The following SCARA5 variants were observed in gnomAD, a reference collection of about 807,000 sequenced individuals.
The protein encoded by SCARA5 is scavenger receptor class A, member 5 (putative).
SCARA5 carries 45 observed loss-of-function variants against 46.3 expected under a neutral mutation model. The observed-to-expected ratio is 0.97, with a 90% CI of 0.76 to 1.24. The LOEUF (loss-of-function observed/expected upper bound fraction) is 1.24, where lower values mean the gene tolerates loss of function less well. Ranked by LOEUF, SCARA5 falls within the 50% of genes most tolerant of loss-of-function variation. The pLI is 0.00. For synonymous variants in SCARA5, 333 were observed against 306.5 expected, an observed-to-expected ratio of 1.09 and a Z score of -0.90; for missense variants, 680 against 689.0, an observed-to-expected ratio of 0.99 and a Z score of 0.15.
Position 27,954,217 on chromosome 8 carries a change from A to G in SCARA5, c.241+12197T>C, listed in dbSNP as rs183374756. Among the ~76,000 whole-genome samples the G allele has an allele frequency of 7.2e-5, 11 of 152,136 alleles. 1 individual carries two copies. The East Asian group carries it at 2.1e-3, about 29-fold the overall frequency. On this transcript the variant is annotated intron_variant, in intron 3 of 8. Coordinates refer to ENST00000354914, the MANE Select transcript of SCARA5 (RefSeq NM_173833.6). ...CTTAAACCAGGAAAAGGACTAGAAG[A>G]GGCCAGCTGGCCCCTCCACCAGGGC...
At chr8:27,935,411 G>T (rs1807838753) in intron 3 of SCARA5, among the ~76,000 whole-genome samples, 1 of 152,158 alleles carries the variant, frequency 6.6e-6, no homozygotes, top group Non-Finnish European at 1.5e-5. Flanking sequence ...CTCAATGGGT[G>T]GTTGGAGCAC....
chr8:27,935,680 G>A (rs929974439), intron 3 of SCARA5, among the ~76,000 whole-genome samples: 9 of 152,314 alleles, frequency 5.9e-5, no homozygotes, highest in South Asian at 2.1e-4. Context: ...CAGAGGACCC[G>A]GGAGCACTCC....
chr8:27,909,653 C>T lies in SCARA5; in HGVS notation c.997+10G>A, dbSNP rs552753730. The T allele has an allele frequency of 9.8e-6, 15 of 1,533,526 alleles. No individual in the cohort carries two copies. The highest frequency in any genetic ancestry group is 4.1e-5 in the African/African-American group (3 of 72,862). The allele number at this position is 1,533,526 out of a possible 1,614,324, so 95.0% of individuals were successfully genotyped here. A position where few individuals can be genotyped will look rare whatever the true frequency, so the allele number is the denominator to read the frequency against. ...CTCTCCCAGGTACCACCCAGGGGCA[C>T]GCTCATTACCTCGAAGTCCAGGCAA... is the stretch of plus-strand genomic sequence containing the variant. On this transcript the variant is annotated intron_variant, in intron 5 of 8. Coordinates refer to ENST00000354914, the MANE Select transcript of SCARA5 (RefSeq NM_173833.6).
At chr8:27,918,156 G>C (rs1000937719) in intron 4 of SCARA5, among the ~76,000 whole-genome samples, 2 of 152,104 alleles carry the variant, frequency 1.3e-5, no homozygotes, top group African/African-American at 2.4e-5. Context: ...ACCTGAAAAG[G>C]GGGTATTTCA....
chr8:27,914,948 C>A (rs2685337), intron 4 of SCARA5, among the ~76,000 whole-genome samples: 2 of 152,040 alleles, frequency 1.3e-5, no homozygotes, highest in East Asian at 3.9e-4. Context: ...GAACACATGA[C>A]GGGGTAGGGG....
intron 3 of SCARA5, among the ~76,000 whole-genome samples, chr8:27,955,300 C>T (rs1052262209): frequency 3.9e-5 from 6 of 152,158 alleles, no homozygotes; most frequent in Non-Finnish European, 7.4e-5. Flanking sequence ...CAGGGCGAGA[C>T]GGGAGCACAG....
chr8:27,945,553 T>TAAAAC (rs1169689591), intron 3 of SCARA5, among the ~76,000 whole-genome samples: 16 of 152,190 alleles, frequency 1.1e-4, no homozygotes, highest in African/African-American at 3.9e-4. Flanking sequence ...TTTAACTACA[T>TAAAAC]AAAGATTTAT....
rs980748950 is a variant in SCARA5 at position 27,881,476 on chromosome 8, A to C, written c.1154-1710T>G. ...CAGAACACCAATACCTCATATTCTC[A>C]CTTTTAAGTGGGAGCTAAACACAGG... On this transcript the variant is annotated intron_variant, in intron 7 of 8. Transcript: ENST00000354914. 5.1e-4 allele frequency among the ~76,000 whole-genome samples: 65 copies of C among 127,812 alleles called. 1 individual carries two copies. The Admixed American group carries it at 6.3e-3, about 12-fold the overall frequency. 83.8% of individuals were successfully genotyped at this position (127,812 alleles called of 152,430 possible).
At chr8:27,879,849 C>G in intron 7 of SCARA5, 83 bp from the exon 8 acceptor site, 1 of 1,374,798 alleles carries the variant, frequency 7.3e-7, no homozygotes, top group Non-Finnish European at 1.0e-6. Flanking sequence ...TCCGCCTACC[C>G]CTGGGTAGGA....
chr8:27,888,540 C>T (rs529187174), intron 7 of SCARA5, among the ~76,000 whole-genome samples: 3 of 152,330 alleles, frequency 2.0e-5, no homozygotes, highest in Non-Finnish European at 2.9e-5. Context: ...TTACCATTGC[C>T]TTTAAACAGC....
At chr8:27,905,722 T>G (rs1425414808) in intron 6 of SCARA5, among the ~76,000 whole-genome samples, 15 of 129,710 alleles carry the variant, frequency 1.2e-4, no homozygotes, top group Non-Finnish European at 2.5e-4. Flanking sequence ...TTTTTTTTTT[T>G]GAGACAGGGT....
At chr8:27,948,361 A>T (rs1232406306) in intron 3 of SCARA5, among the ~76,000 whole-genome samples, 7 of 152,164 alleles carry the variant, frequency 4.6e-5, no homozygotes, top group African/African-American at 1.7e-4. Context: ...TCTGGGAGGG[A>T]GGCAGGGAGG....
At chr8:27,906,604 A>G (rs539769182) in intron 6 of SCARA5, among the ~76,000 whole-genome samples, 3 of 152,334 alleles carry the variant, frequency 2.0e-5, no homozygotes, top group African/African-American at 7.2e-5. Context: ...ACTCCCTTGC[A>G]TTTCTACAGG....
intron 3 of SCARA5, among the ~76,000 whole-genome samples, chr8:27,958,958 C>G (rs1279832356): frequency 1.3e-5 from 2 of 152,070 alleles, no homozygotes; most frequent in African/African-American, 4.8e-5. Flanking sequence ...AGAGGTCAGG[C>G]GCGGTGGCTC....
At chr8:27,983,033 C>T (rs552820048) in intron 2 of SCARA5, among the ~76,000 whole-genome samples, 4 of 152,318 alleles carry the variant, frequency 2.6e-5, no homozygotes, top group South Asian at 2.1e-4. Flanking sequence ...CCCACTCAGC[C>T]CATACCCCAA....
chr8:27,959,813 A>T (rs1808266642), intron 3 of SCARA5, among the ~76,000 whole-genome samples: 1 of 152,148 alleles, frequency 6.6e-6, no homozygotes, highest in African/African-American at 2.4e-5. Context: ...GTCGGGAGGG[A>T]GGTTGTAGGA....
chr8:27,977,229 C>T (rs1808539550), intron 2 of SCARA5, among the ~76,000 whole-genome samples: 1 of 152,190 alleles, frequency 6.6e-6, no homozygotes, highest in Non-Finnish European at 1.5e-5. Flanking sequence ...ACCTCCTAGT[C>T]CCATCACTTT....
At chr8:27,938,227 C>G (rs1007050541) in intron 3 of SCARA5, among the ~76,000 whole-genome samples, 24 of 152,304 alleles carry the variant, frequency 1.6e-4, no homozygotes, top group African/African-American at 5.3e-4. Context: ...CGTGCAGGGT[C>G]TGATGATTCA....
chr8:27,905,823 G>T (rs755254272), intron 6 of SCARA5, among the ~76,000 whole-genome samples: 1 of 149,566 alleles, frequency 6.7e-6, no homozygotes, highest in South Asian at 2.1e-4. Context: ...TGATTCTCCT[G>T]CCTCAGCTTC....
Sources: gnomAD v4.1 joint callset for allele counts (sites outside exome capture counted in the v4.1 genomes callset) on GRCh38, gnomAD v4.1.1 for gene constraint, MANE v1.5 for transcripts, NCBI Gene and HGNC (gene_info 2026-07-23, HGNC 2026-07-21) for gene names.